Variants in TBX18 observed in about 807,000 individuals in gnomAD.
The protein encoded by TBX18 is T-box transcription factor TBX18.
In TBX18, 21 loss-of-function variants were observed where a neutral mutation model predicts 55.0. That is an observed-to-expected ratio of 0.38 (90% CI 0.27 to 0.55). TBX18 has a LOEUF of 0.55. Ranked by LOEUF, TBX18 falls within the 20% of genes least tolerant of loss-of-function variation. The pLI, the probability that TBX18 is intolerant of heterozygous loss-of-function variation, is 0.73. For synonymous variants in TBX18, 342 were observed against 326.1 expected (o/e 1.05, Z -0.53); for missense variants, 840 against 799.6 (o/e 1.05, Z -0.61).
chr6:84,756,828 G>C lies in TBX18; in HGVS notation c.641C>G (p.Ala214Gly), dbSNP rs1289233334. The change falls in exon 4 of 8, where the codon GCT (alanine) becomes GGT (glycine). Residue 214 changes from alanine (A) to glycine (G), a missense_variant. Ala to Gly is a moderately conservative substitution (Grantham distance 60). Coordinates refer to ENST00000369663, the MANE Select transcript of TBX18 (RefSeq NM_001080508.3). ...HSSKWMVAGN[A>G]DSPVPPRVYI... ...CACACGGGGTGGCACAGGCGAGTCA[G>C]CATTACCTGCCACCATCCATTTCGA... 1.2e-6 allele frequency: 2 copies of C among 1,614,116 alleles called. No homozygotes were observed. The highest frequency in any genetic ancestry group is 3.3e-5 in the Admixed American group (2 of 60,014).
intron 1 of TBX18, chr6:84,763,480 T>G: frequency 2.1e-6 from 1 of 471,452 alleles, no homozygotes; most frequent in Non-Finnish European, 4.2e-6. Context: ...GCACAAACGG[T>G]TTAGGGCATT....
At chr6:84,759,025 A>G (rs1340411833) in intron 3 of TBX18, among the ~76,000 whole-genome samples, 1 of 152,148 alleles carries the variant, frequency 6.6e-6, no homozygotes, top group African/African-American at 2.4e-5. Flanking sequence ...AAAAGGAATA[A>G]TTATTAAGCT....
intron 5 of TBX18, among the ~76,000 whole-genome samples, 175 bp downstream of exon 5, chr6:84,747,745 G>A (rs1197553075): frequency 6.6e-6 from 1 of 152,144 alleles, no homozygotes; most frequent in African/African-American, 2.4e-5. Context: ...CAACATTAGA[G>A]CAGACTTACT....
At chr6:84,760,160 G>T in intron 3 of TBX18, 95 bp downstream of exon 3, 1 of 702,726 alleles carries the variant, frequency 1.4e-6, no homozygotes, top group East Asian at 3.2e-5. Flanking sequence ...CAGACTTCTG[G>T]AAGCAAAGAT....
intron 4 of TBX18, among the ~76,000 whole-genome samples, chr6:84,749,551 G>A (rs1767286064): frequency 1.3e-5 from 2 of 150,678 alleles, no homozygotes; most frequent in African/African-American, 4.9e-5. Flanking sequence ...GGTAGCACAT[G>A]ATCATGCCAA....
Position 84,736,645 on chromosome 6 carries a change from T to C in TBX18, c.*40A>G, listed in dbSNP as rs752911023. 8 of 1,492,756 alleles carry C rather than the reference T, an allele frequency of 5.4e-6. No homozygotes were observed. The African/African-American group carries it at 8.5e-5, about 16-fold the overall frequency. 92.5% of individuals were successfully genotyped at this position (1,492,756 alleles called of 1,614,324 possible). A position where few individuals can be genotyped will look rare whatever the true frequency, so the allele number is the denominator to read the frequency against. ...GCTTTTAAAAAAGAAAAAGAAAATA[T>C]GTTAGACAGATCCAAATGTCATTTA... On this transcript the variant is annotated 3_prime_UTR_variant, in exon 8 of 8. Coordinates refer to ENST00000369663, the MANE Select transcript of TBX18 (RefSeq NM_001080508.3).
At chr6:84,746,989 G>C (rs1767213898) in intron 5 of TBX18, among the ~76,000 whole-genome samples, 1 of 151,972 alleles carries the variant, frequency 6.6e-6, no homozygotes, top group Non-Finnish European at 1.5e-5. Flanking sequence ...TTGTGATACT[G>C]ATGTCTCCAT....
chr6:84,750,789 G>A (rs540078866), intron 4 of TBX18, among the ~76,000 whole-genome samples: 15 of 151,398 alleles, frequency 9.9e-5, no homozygotes, highest in Admixed American at 2.0e-4. Context: ...GCCCCACCTG[G>A]TGTCTCATTA....
rs1215520947 is a variant in TBX18 at position 84,738,536 on chromosome 6, T to C, written c.1060A>G (p.Thr354Ala). The C allele has an allele frequency of 6.2e-7, 1 of 1,613,866 alleles. No individual in the cohort carries two copies. Among genetic ancestry groups the C allele is most frequent in the Non-Finnish European group, 8.5e-7 (1 of 1,180,006 alleles). ...CCAGGGATATCTTCAAAGGTCAGAG[T>C]CCGTAGTGATGGTCGCCAGAATGCA... ...SYAFWRPSLR[T>A]LTFEDIPGIP... Residue 354 changes from threonine to alanine, a missense_variant, in exon 7 of 8, where the codon ACT (threonine) becomes GCT (alanine). Physicochemically the swap from Thr to Ala is moderately conservative, Grantham distance 58 (BLOSUM62 0). Coordinates refer to ENST00000369663, the MANE Select transcript of TBX18 (RefSeq NM_001080508.3).
intron 6 of TBX18, chr6:84,741,967 G>A (rs1767059314): frequency 2.0e-5 from 3 of 152,092 alleles, no homozygotes; most frequent in African/African-American, 7.2e-5. Flanking sequence ...AACGGAAAAT[G>A]TTACAATCAG....
chr6:84,750,469 A>G (rs1767318368), intron 4 of TBX18, among the ~76,000 whole-genome samples: 1 of 152,128 alleles, frequency 6.6e-6, no homozygotes, highest in African/African-American at 2.4e-5. Context: ...CTCCAATTAG[A>G]GGTGCTTCCC....
rs1399001915 is a variant in TBX18 at position 84,738,492 on chromosome 6, G to T, written c.1099+5C>A. ...ATATATGACCCAGGAGACTTTGTGA[G>T]TTACCTTGCTTGGGAATTCCAGGGA... On this transcript the variant is annotated splice_donor_5th_base_variant and intron_variant, in intron 7 of 7. Transcript: ENST00000369663. 1.2e-6 allele frequency: 2 copies of T among 1,613,192 alleles called. No homozygotes were observed.
At position 84,748,018 on chromosome 6, in the gene TBX18, G is replaced by A; in HGVS notation, c.841C>T (p.Leu281Phe). ...GATGGAACAGGCTTGATGGGAGAAA[G>A]ATCGTCTCCACAGTCTTTACGGATG... ...HVIRKDCGDD[L>F]SPIKPVPSGE... The change falls in exon 5 of 8, where the codon CTT becomes TTT. Residue 281 changes from leucine to phenylalanine, a missense_variant. Coordinates refer to ENST00000369663, the MANE Select transcript of TBX18 (RefSeq NM_001080508.3). 1.2e-6 allele frequency: 2 copies of A among 1,613,592 alleles called. No individual in the cohort carries two copies. Among genetic ancestry groups the A allele is most frequent in the Non-Finnish European group, 1.7e-6 (2 of 1,179,588 alleles).
At chr6:84,763,272 C>T in intron 1 of TBX18, 1 of 408,912 alleles carries the variant, frequency 2.4e-6, no homozygotes. Flanking sequence ...CCGGAGGCAT[C>T]TTCTAGAAGG....
rs550291281 is a variant in TBX18 at position 84,760,434 on chromosome 6, A to T, written c.498-78T>A. The T allele has an allele frequency of 4.1e-4, 361 of 882,438 alleles. 4 individuals carry two copies. In the East Asian group the frequency reaches 9.4e-3, roughly 23 times the overall value. The allele number at this position is 882,438 out of a possible 1,614,324, so 54.7% of individuals were successfully genotyped here. On this transcript the variant is annotated intron_variant, in intron 2 of 7. Coordinates refer to ENST00000369663, the MANE Select transcript of TBX18 (RefSeq NM_001080508.3). ...GGATGGAGCGTGAATAAGCAAAGAA[A>T]CCTCTTGGATCTCTATTTTTAATAT...
chr6:84,759,661 T>C (rs1230776056), intron 3 of TBX18, among the ~76,000 whole-genome samples: 1 of 152,094 alleles, frequency 6.6e-6, no homozygotes, highest in Non-Finnish European at 1.5e-5. Flanking sequence ...ATTAGAAGTT[T>C]TTAAAAGTTA....
In TBX18 at chr6:84,737,000, G is replaced by T. The variant is rs942753008; in HGVS notation, c.1509C>A (p.Pro503=). 1 of 1,613,216 alleles carries T rather than the reference G, an allele frequency of 6.2e-7. No individual in the cohort carries two copies. Among genetic ancestry groups the T allele is most frequent in the South Asian group, 1.1e-5 (1 of 90,910 alleles). The change falls in exon 8 of 8, where the codon CCC becomes CCA. Residue 503 remains proline, a synonymous_variant. Transcript: ENST00000369663. ...SPQLQYIMPS[P]SSNAFATNQT... is the part of the protein sequence containing the mutation. ...GGTTAGTGGCGAAGGCATTGCTGGA[G>T]GGTGATGGCATGATATACTGGAGCT...
rs567696161 is a variant in TBX18, at chr6:84,746,677, T to C, written c.939+1243A>G. Among the ~76,000 whole-genome samples the C allele has an allele frequency of 5.2e-3, 763 of 147,894 alleles. 3 individuals carry two copies. The highest frequency in any genetic ancestry group is 7.2e-3 in the Non-Finnish European group (482 of 67,222). ...TGTACTATATTACACATATTACATA[T>C]GTTATATATAATACGTTAAATATGC... is the stretch of plus-strand genomic sequence containing the variant. On this transcript the variant is annotated intron_variant, in intron 5 of 7. Transcript: ENST00000369663.
At chr6:84,753,578 A>G (rs538007235) in intron 4 of TBX18, among the ~76,000 whole-genome samples, 13 of 152,328 alleles carry the variant, frequency 8.5e-5, no homozygotes, top group African/African-American at 3.1e-4. Flanking sequence ...ATGAACCTCA[A>G]CTATGTAAGG....
Sources: gnomAD v4.1 joint callset for allele counts (sites outside exome capture counted in the v4.1 genomes callset) on GRCh38, gnomAD v4.1.1 for gene constraint, MANE v1.5 for transcripts, NCBI Gene and HGNC (gene_info 2026-07-23, HGNC 2026-07-21) for gene names.